Variants in HSPA9 observed in about 807,000 individuals in gnomAD.
HSPA9 encodes heat shock protein family A (Hsp70) member 9, also known as stress-70 protein, mitochondrial.
In HSPA9, 28 loss-of-function variants were observed where a neutral mutation model predicts 81.5. The ratio of observed to expected loss-of-function variants is 0.34; its 90% CI spans 0.25 to 0.47. The LOEUF is 0.47. Ranked by LOEUF, HSPA9 falls within the 20% of genes least tolerant of loss-of-function variation. HSPA9 has a pLI of 1.00. For synonymous variants in HSPA9, 293 were observed against 290.4 expected (o/e 1.01, Z -0.09); for missense variants, 678 against 838.0 (o/e 0.81, Z 2.36).
intron 5 of HSPA9, 49 bp from the exon 6 acceptor site, chr5:138,567,771 T>C (rs756264975): frequency 7.4e-7 from 1 of 1,350,736 alleles, no homozygotes; most frequent in Admixed American, 1.8e-5. Flanking sequence ...AACAGAATTA[T>C]TAATATAGCC....
intron 11 of HSPA9, 184 bp downstream of exon 11, chr5:138,559,680 T>C (rs1486658252): frequency 6.6e-6 from 4 of 602,446 alleles, no homozygotes; most frequent in Non-Finnish European, 9.0e-6. Flanking sequence ...AGAACTTTTC[T>C]GGTAACAAAA....
chr5:138,558,262 C>G (rs535528978), intron 12 of HSPA9, among the ~76,000 whole-genome samples: 12 of 152,296 alleles, frequency 7.9e-5, no homozygotes, highest in Admixed American at 3.3e-4. Context: ...TCCTATTATT[C>G]ACCTCACCAA....
intron 3 of HSPA9, among the ~76,000 whole-genome samples, chr5:138,573,407 T>A (rs1750994009): frequency 6.6e-6 from 1 of 151,982 alleles, no homozygotes; most frequent in South Asian, 2.1e-4. Flanking sequence ...ACATCTGTAA[T>A]CCCAGCACTT....
intron 9 of HSPA9, among the ~76,000 whole-genome samples, chr5:138,562,076 C>T (rs540000536): frequency 3.4e-4 from 52 of 151,332 alleles, no homozygotes; most frequent in Admixed American, 1.7e-3. Flanking sequence ...GTAGCTGGGA[C>T]TACAGGCATG....
chr5:138,569,073 A>G (rs1307547734), intron 4 of HSPA9, 24 bp from the exon 5 acceptor site: 20 of 1,611,402 alleles, frequency 1.2e-5, no homozygotes, highest in Non-Finnish European at 1.6e-5. Flanking sequence ...AAATTCTATT[A>G]GAGAAAACTA....
intron 3 of HSPA9, among the ~76,000 whole-genome samples, chr5:138,572,224 C>T (rs1206979966): frequency 6.6e-6 from 1 of 150,826 alleles, no homozygotes; most frequent in Non-Finnish European, 1.5e-5. Context: ...CATGACCCAC[C>T]AGGCCTGGCC....
intron 5 of HSPA9, 37 bp from the exon 6 acceptor site, chr5:138,567,759 A>T: frequency 1.4e-6 from 2 of 1,464,144 alleles, no homozygotes; most frequent in Non-Finnish European, 1.9e-6. Context: ...GAATTCTGTC[A>T]GAACAGAATT....
chr5:138,564,544 C>T (rs1310097124), intron 9 of HSPA9, among the ~76,000 whole-genome samples: 6 of 152,166 alleles, frequency 3.9e-5, no homozygotes, highest in Non-Finnish European at 8.8e-5. Flanking sequence ...ACTACAGGCA[C>T]GCACCTGTGG....
At chr5:138,558,723 T>G in intron 11 of HSPA9, 66 bp from the exon 12 acceptor site, 2 of 1,030,674 alleles carry the variant, frequency 1.9e-6, no homozygotes, top group Non-Finnish European at 3.1e-6. Flanking sequence ...ATAGAAAAAA[T>G]GAAAGCCAAA....
intron 9 of HSPA9, 143 bp downstream of exon 9, chr5:138,566,483 G>C (rs1440318532): frequency 2.4e-5 from 17 of 705,470 alleles, no homozygotes; most frequent in Non-Finnish European, 4.3e-5. Flanking sequence ...TCATGGCAAA[G>C]GTCTCTAGAA....
In HSPA9 at chr5:138,554,699, A is replaced by T. The variant is rs554618591; in HGVS notation, c.*1338T>A. On this transcript the variant is annotated 3_prime_UTR_variant, in exon 17 of 17. Transcript: ENST00000297185. ...CCCATCTTGATAACAGACTCTTTTG[A>T]ACATGGCATATGACATTCATCCATG... Among the ~76,000 whole-genome samples, 8 of 152,370 alleles carry T rather than the reference A, an allele frequency of 5.3e-5. No homozygotes were observed. Among genetic ancestry groups the T allele is most frequent in the African/African-American group, 1.9e-4 (8 of 41,596 alleles).
chr5:138,557,359 G>T, intron 14 of HSPA9, 43 bp downstream of exon 14: 1 of 1,357,870 alleles, frequency 7.4e-7, no homozygotes, highest in Non-Finnish European at 1.0e-6. Context: ...TGTCAAGACT[G>T]AGCTTTACTA....
intron 4 of HSPA9, among the ~76,000 whole-genome samples, chr5:138,569,496 C>T (rs1365966855): frequency 6.6e-6 from 1 of 152,136 alleles, no homozygotes; most frequent in East Asian, 1.9e-4. Context: ...ATGTCCATCA[C>T]TTGACAAATG....
rs904616400 is a variant in HSPA9 at position 138,553,835 on chromosome 5, T to C, written c.*2202A>G. Among the ~76,000 whole-genome samples the C allele has an allele frequency of 7.9e-5, 12 of 152,184 alleles. No homozygotes were observed. The highest frequency in any genetic ancestry group is 2.9e-4 in the African/African-American group (12 of 41,444). ...TTAACGGGTTAAACATTTGTCTCTCTCCAGAAGAGATTAGTATTGAATTGG... is the reference window on the plus strand; with the variant it reads ...TTAACGGGTTAAACATTTGTCTCTCCCCAGAAGAGATTAGTATTGAATTGG... On this transcript the variant is annotated 3_prime_UTR_variant, in exon 17 of 17. Coordinates refer to ENST00000297185, the MANE Select transcript of HSPA9 (RefSeq NM_004134.7).
rs1750563409 is a variant in HSPA9, at chr5:138,557,909, A to G, written c.1593T>C (p.His531=). Residue 531 remains histidine, a synonymous_variant, in exon 13 of 17, where the codon CAT becomes CAC. Coordinates refer to ENST00000297185, the MANE Select transcript of HSPA9 (RefSeq NM_004134.7). Reference sequence around the variant, plus strand: ...CTGTGCCTTTATCTTTAGCAGAAACATGTACTATCCCATTGGCATCAATGT... The same window carrying G: ...CTGTGCCTTTATCTTTAGCAGAAACGTGTACTATCCCATTGGCATCAATGT... ...TFDIDANGIV[H]VSAKDKGTGR... is the part of the protein sequence containing the mutation. 6.2e-7 allele frequency: 1 copy of G among 1,611,540 alleles called. No homozygotes were observed. The highest frequency in any genetic ancestry group is 8.5e-7 in the Non-Finnish European group (1 of 1,179,356).
In HSPA9 at chr5:138,560,039, T is replaced by C. The variant is rs753255032; in HGVS notation, c.1235A>G (p.Asn412Ser). 2 of 1,614,150 alleles carry C rather than the reference T, an allele frequency of 1.2e-6. No homozygotes were observed. The highest frequency in any genetic ancestry group is 1.7e-6 in the Non-Finnish European group (2 of 1,180,028). Residue 412 changes from asparagine to serine, a missense_variant, in exon 11 of 17, where the codon AAT (asparagine) becomes AGT (serine). Coordinates refer to ENST00000297185, the MANE Select transcript of HSPA9 (RefSeq NM_004134.7). ...LFGRAPSKAV[N>S]PDEAVAIGAA... ...TCCAATGGCCACAGCCTCATCAGGA[T>C]TGACAGCTTTACTTGGGGCTCTGCC...
intron 1 of HSPA9, 112 bp from the exon 2 acceptor site, chr5:138,574,238 A>G: frequency 1.3e-6 from 1 of 751,140 alleles, no homozygotes; most frequent in Non-Finnish European, 2.4e-6. Flanking sequence ...AAAACAGTAA[A>G]TATTAAAGTT....
chr5:138,573,217 CG>C (rs1750948766), intron 3 of HSPA9, among the ~76,000 whole-genome samples: 1 of 151,888 alleles, frequency 6.6e-6, no homozygotes, highest in African/African-American at 2.4e-5. Context: ...TTAGTAGAGA[CG>C]GGGTTTCACC....
Position 138,567,681 on chromosome 5 carries a change from C to T in HSPA9, c.577G>A (p.Val193Ile). Reference sequence around the variant, plus strand: ...TGCGAGTCATTGAAATAAGCTGGGACTGTGATCACAGCATTTTTTGCTGTG... The same window carrying T: ...TGCGAGTCATTGAAATAAGCTGGGATTGTGATCACAGCATTTTTTGCTGTG... ...GHTAKNAVIT[V>I]PAYFNDSQRQ... The change falls in exon 6 of 17, where the codon GTC (valine) becomes ATC (isoleucine). Residue 193 changes from valine (V) to isoleucine (I), a missense_variant. Transcript: ENST00000297185. 1 of 1,613,902 alleles carries T rather than the reference C, an allele frequency of 6.2e-7. No homozygotes were observed. The highest frequency in any genetic ancestry group is 8.5e-7 in the Non-Finnish European group (1 of 1,179,880).
Sources: allele counts gnomAD v4.1 joint callset (sites outside exome capture counted in the v4.1 genomes callset), GRCh38; gene constraint gnomAD v4.1.1; transcripts MANE v1.5; gene names NCBI Gene and HGNC (gene_info 2026-07-23, HGNC 2026-07-21).